The following WDR49 variants were observed in gnomAD, a reference collection of about 807,000 sequenced individuals.
The protein encoded by WDR49 is WD repeat domain 49, also known as cilia- and flagella-associated protein 337.
A neutral mutation model predicts 119.5 loss-of-function variants in WDR49; 107 were observed. That is an observed-to-expected ratio of 0.90 (90% CI 0.77 to 1.05). The LOEUF (loss-of-function observed/expected upper bound fraction) is 1.05. Ranked by LOEUF, WDR49 falls within the 50% of genes least tolerant of loss-of-function variation. The pLI is 0.00. For synonymous variants in WDR49, 425 were observed against 418.8 expected, an observed-to-expected ratio of 1.01 and a Z score of -0.18; for missense variants, 1,240 against 1,220.5, an observed-to-expected ratio of 1.02 and a Z score of -0.24.
At chr3:167,506,055 T>G (rs1751757634) in intron 16 of WDR49, among the ~76,000 whole-genome samples, 1 of 152,202 alleles carries the variant, frequency 6.6e-6, no homozygotes, top group African/African-American at 2.4e-5. Flanking sequence ...AAGTTATGTT[T>G]CCAAAAATTG....
chr3:167,633,309 G>T, intron 2 of WDR49: 2 of 374,364 alleles, frequency 5.3e-6, no homozygotes, highest in Non-Finnish European at 1.1e-5. Flanking sequence ...GCTAGTTTTT[G>T]TCTTAAAAAG....
At chr3:167,531,391 C>G in intron 12 of WDR49, 112 bp from the exon 13 acceptor site, 1 of 1,184,098 alleles carries the variant, frequency 8.4e-7, no homozygotes, top group South Asian at 1.4e-5. Context: ...GACTCCAAGT[C>G]TCACAAGAGA....
At chr3:167,519,986 C>T (rs747159633) in intron 16 of WDR49, among the ~76,000 whole-genome samples, 2 of 151,946 alleles carry the variant, frequency 1.3e-5, no homozygotes, top group Non-Finnish European at 1.5e-5. Flanking sequence ...GTAATCCCAG[C>T]ACTTTGGGAG....
In WDR49 at chr3:167,604,473, T is replaced by TA. The variant is rs764876704; in HGVS notation, c.959-6dup. ...CTAAAGATGCATTGTAAGTAACTGA[T>TA]AAAAAATTAAAAAGAGAAAAACAAT... is the stretch of plus-strand genomic sequence containing the variant. On this transcript the variant is annotated splice_region_variant and splice_polypyrimidine_tract_variant and intron_variant, in intron 5 of 18. Transcript: ENST00000682715. 7.6e-6 allele frequency: 12 copies of TA among 1,581,912 alleles called. No homozygotes were observed. In the South Asian group the frequency reaches 9.2e-5, roughly 12 times the overall value.
chr3:167,609,798 G>C (rs1386495896), intron 5 of WDR49, among the ~76,000 whole-genome samples: 1 of 152,120 alleles, frequency 6.6e-6, no homozygotes, highest in Non-Finnish European at 1.5e-5. Context: ...CCTTTCACTT[G>C]AGGAGAGGAG....
At chr3:167,504,893 C>A (rs950744396) in intron 17 of WDR49, among the ~76,000 whole-genome samples, 4 of 152,120 alleles carry the variant, frequency 2.6e-5, no homozygotes, top group African/African-American at 9.7e-5. Context: ...GCACCTCCCC[C>A]ACTCCCTCTT....
In WDR49 at chr3:167,478,686, T is replaced by G. The variant is rs1310579194; in HGVS notation, c.*192A>C. ...AAATACCAAGATGTTGCTCCCACTTTAGTTCAATATTTATTTTATTAAGAA... is the reference window on the plus strand; with the variant it reads ...AAATACCAAGATGTTGCTCCCACTTGAGTTCAATATTTATTTTATTAAGAA... On this transcript the variant is annotated 3_prime_UTR_variant, in exon 19 of 19. Coordinates refer to ENST00000682715, the MANE Select transcript of WDR49 (RefSeq NM_001366157.1). 8.1e-6 allele frequency: 3 copies of G among 369,046 alleles called. No individual in the cohort carries two copies. Among genetic ancestry groups the G allele is most frequent in the Admixed American group, 4.4e-5 (1 of 22,488 alleles). The allele number at this position is 369,046 out of a possible 1,614,324, so 22.9% of individuals were successfully genotyped here. A position where few individuals can be genotyped will look rare whatever the true frequency, so the allele number is the denominator to read the frequency against.
At chr3:167,627,386 G>A (rs1717180363) in intron 2 of WDR49, 94 bp from the exon 3 acceptor site, 1 of 1,116,070 alleles carries the variant, frequency 9.0e-7, no homozygotes. Context: ...AATTTAATCA[G>A]CAATTCTGCC....
intron 18 of WDR49, among the ~76,000 whole-genome samples, chr3:167,498,190 C>G (rs752252104): frequency 5.9e-5 from 9 of 152,152 alleles, no homozygotes; most frequent in Non-Finnish European, 1.3e-4. Context: ...GATGGGATGA[C>G]AGACTGAAAT....
chr3:167,533,561 G>A (rs1365155430), intron 11 of WDR49, among the ~76,000 whole-genome samples: 1 of 152,040 alleles, frequency 6.6e-6, no homozygotes, highest in Non-Finnish European at 1.5e-5. Context: ...GTGGGTGTGT[G>A]TGTCTTCTCT....
chr3:167,575,732 T>C (rs926057105), intron 8 of WDR49, among the ~76,000 whole-genome samples, 186 bp downstream of exon 8: 2 of 152,186 alleles, frequency 1.3e-5, no homozygotes, highest in Non-Finnish European at 2.9e-5. Flanking sequence ...TGGCTGAAAA[T>C]GAAATCATTC....
Position 167,531,264 on chromosome 3 carries a change from T to G in WDR49, c.2069A>C (p.Lys690Thr). 1 of 1,610,964 alleles carries G rather than the reference T, an allele frequency of 6.2e-7. No homozygotes were observed. Residue 690 changes from lysine to threonine, a missense_variant, in exon 13 of 19, where the codon AAA (lysine) becomes ACA (threonine). Physicochemically the swap from Lys to Thr is moderately conservative, Grantham distance 78. Transcript: ENST00000682715. ...TTGGCTTCTCCCAGCACTGAGAAGT[T>G]TTTGAGGTTTTGTATCTGTGAGGGA... ...LKSKLDTKPQ[K>T]LLSAGRSQPS...
At chr3:167,504,100 T>C (rs960563120) in intron 17 of WDR49, among the ~76,000 whole-genome samples, 1 of 152,082 alleles carries the variant, frequency 6.6e-6, no homozygotes, top group Non-Finnish European at 1.5e-5. Flanking sequence ...CTCTCACTAG[T>C]AGAGGGGAAA....
At position 167,485,926 on chromosome 3, in the gene WDR49, G is replaced by A. The variant is rs533221171; in HGVS notation, c.3032-6930C>T. The stretch of plus-strand genomic sequence containing the variant: ...AACCCTGGAAAGATACTATAAAAGA[G>A]GGCCATCCCCAAGGCACATAGTTAG... On this transcript the variant is annotated intron_variant, in intron 18 of 18. Coordinates refer to ENST00000682715, the MANE Select transcript of WDR49 (RefSeq NM_001366157.1). Among the ~76,000 whole-genome samples the A allele has an allele frequency of 3.3e-5, 5 of 151,828 alleles. No individual in the cohort carries two copies. In the South Asian group the frequency reaches 1.0e-3, roughly 32 times the overall value.
chr3:167,498,567 G>A (rs1258628628), intron 18 of WDR49, among the ~76,000 whole-genome samples: 1 of 152,110 alleles, frequency 6.6e-6, no homozygotes, highest in African/African-American at 2.4e-5. Context: ...TGCTCTGGGG[G>A]AGGTGATGAC....
intron 8 of WDR49, among the ~76,000 whole-genome samples, chr3:167,564,536 A>G (rs1395423887): frequency 6.6e-6 from 1 of 152,220 alleles, no homozygotes; most frequent in Non-Finnish European, 1.5e-5. Flanking sequence ...CCTTTTAATG[A>G]TACCAAATCT....
intron 7 of WDR49, among the ~76,000 whole-genome samples, chr3:167,582,993 TAGAG>T (rs1461292389): frequency 1.8e-4 from 27 of 147,974 alleles, no homozygotes; most frequent in African/African-American, 4.2e-4. Context: ...CACACACAGA[TAGAG>T]AGAGAAAGAG....
intron 7 of WDR49, among the ~76,000 whole-genome samples, chr3:167,582,110 G>T (rs1158526170): frequency 3.3e-5 from 5 of 151,266 alleles, no homozygotes; most frequent in African/African-American, 1.2e-4. Flanking sequence ...CAGCAGCCCA[G>T]CTCACCGGGA....
intron 18 of WDR49, among the ~76,000 whole-genome samples, chr3:167,480,662 G>C (rs536475115): frequency 7.2e-5 from 11 of 152,322 alleles, no homozygotes; most frequent in Middle Eastern, 6.8e-3. Context: ...AACTCAAAGA[G>C]AGATGTAATC....
Sources: gnomAD v4.1 joint callset for allele counts (sites outside exome capture counted in the v4.1 genomes callset) on GRCh38, gnomAD v4.1.1 for gene constraint, MANE v1.5 for transcripts, NCBI Gene and HGNC (gene_info 2026-07-23, HGNC 2026-07-21) for gene names.